The following MYO1B variants were observed in gnomAD, a reference collection of about 807,000 sequenced individuals.
MYO1B encodes the protein unconventional myosin-Ib.
A neutral mutation model predicts 159.7 loss-of-function variants in MYO1B; 72 were observed. That is an observed-to-expected ratio of 0.45 (90% CI 0.37 to 0.55). MYO1B has a LOEUF of 0.55. MYO1B is among the 20% of genes least tolerant of loss of function. MYO1B has a pLI of 0.00. For missense variants in MYO1B, 1,062 were observed against 1,364.8 expected, an observed-to-expected ratio of 0.78 and a Z score of 3.50; for synonymous variants, 468 against 473.8, an observed-to-expected ratio of 0.99 and a Z score of 0.16.
At position 191,363,858 on chromosome 2, in the gene MYO1B, A is replaced by G. The variant is rs747991638; in HGVS notation, c.896A>G (p.Lys299Arg). The G allele has an allele frequency of 1.9e-6, 3 of 1,613,830 alleles. No individual in the cohort carries two copies. Among genetic ancestry groups the G allele is most frequent in the Non-Finnish European group, 1.7e-6 (2 of 1,179,918 alleles). ...ESRVNGLDES[K>R]IKDKNELKEI... The stretch of plus-strand genomic sequence containing the variant: ...CGAGTGAATGGTCTAGATGAAAGCA[A>G]AATCAAAGATAAAAATGGTACATCC... Residue 299 changes from lysine (K) to arginine (R), a missense_variant, in exon 10 of 31, where the codon AAA becomes AGA. By Grantham distance (26) the Lys-to-Arg change is conservative. Coordinates refer to ENST00000392318, the MANE Select transcript of MYO1B (RefSeq NM_001130158.3).
At chr2:191,418,188 G>T (rs1464613596) in intron 30 of MYO1B, among the ~76,000 whole-genome samples, 1 of 152,178 alleles carries the variant, frequency 6.6e-6, no homozygotes, top group Non-Finnish European at 1.5e-5. Context: ...TGCAGAGGAA[G>T]TTTGTAGGTA....
chr2:191,286,019 A>G (rs778593495), intron 2 of MYO1B, among the ~76,000 whole-genome samples: 8 of 152,202 alleles, frequency 5.3e-5, no homozygotes, highest in Non-Finnish European at 1.2e-4. Context: ...GAGCTTTGGG[A>G]TGAAACTCTG....
intron 2 of MYO1B, among the ~76,000 whole-genome samples, chr2:191,285,379 A>G (rs1011203876): frequency 6.6e-5 from 10 of 152,182 alleles, no homozygotes; most frequent in Admixed American, 5.2e-4. Context: ...GTATAATATG[A>G]TGGTAGTGTA....
intron 2 of MYO1B, among the ~76,000 whole-genome samples, chr2:191,288,335 A>C (rs568922803): frequency 1.3e-5 from 2 of 151,672 alleles, no homozygotes; most frequent in East Asian, 1.9e-4. Flanking sequence ...TTTGGGGGGA[A>C]CTTTGTCCAA....
chr2:191,388,831 T>A (rs996801250), intron 17 of MYO1B, among the ~76,000 whole-genome samples: 22 of 152,280 alleles, frequency 1.4e-4, no homozygotes, highest in African/African-American at 5.3e-4. Flanking sequence ...ACCACCCAGG[T>A]TAAGACGTAA....
In MYO1B at chr2:191,360,748, G is replaced by GTGGTGTTGT; in HGVS notation, c.661+22_661+30dup. 1 of 1,122,350 alleles carries GTGGTGTTGT rather than the reference G, an allele frequency of 8.9e-7. No homozygotes were observed. Among genetic ancestry groups the GTGGTGTTGT allele is most frequent in the Non-Finnish European group, 1.2e-6 (1 of 801,274 alleles). The allele number at this position is 1,122,350 out of a possible 1,614,324, so 69.5% of individuals were successfully genotyped here. On this transcript the variant is annotated intron_variant, in intron 8 of 30. Transcript: ENST00000392318. ...CTCCTCAGTAAGTCTCTGTTTCTATGTGGTGTTGTTGTTGTTGTTGTTGTT... is the reference window on the plus strand; with the variant it reads ...CTCCTCAGTAAGTCTCTGTTTCTATGTGGTGTTGTTGGTGTTGTTGTTGTTGTTGTTGTT...
intron 3 of MYO1B, among the ~76,000 whole-genome samples, chr2:191,308,136 C>T (rs1046375679): frequency 2.0e-5 from 3 of 152,148 alleles, no homozygotes. Flanking sequence ...GGGGCCCCAC[C>T]TGAGTCCCCT....
intron 1 of MYO1B, among the ~76,000 whole-genome samples, chr2:191,246,657 C>T (rs1685812030): frequency 6.6e-6 from 1 of 150,988 alleles, no homozygotes; most frequent in South Asian, 2.1e-4. Context: ...TGGATATTGG[C>T]TGGAATGGGT....
intron 1 of MYO1B, among the ~76,000 whole-genome samples, chr2:191,253,725 T>C (rs1423291815): frequency 6.6e-6 from 1 of 152,192 alleles, no homozygotes; most frequent in Non-Finnish European, 1.5e-5. Flanking sequence ...CTCCTCTGTT[T>C]CCCCCCACAG....
In MYO1B at chr2:191,411,171, A is replaced by G; in HGVS notation, c.2872A>G (p.Ser958Gly). The change falls in exon 27 of 31, where the codon AGT becomes GGT. Residue 958 changes from serine to glycine, a missense_variant and splice_region_variant. By Grantham distance (56) the Ser-to-Gly change is moderately conservative (BLOSUM62 0). This residue lies in a region of MYO1B where 609 missense variants were observed against 744.4 expected (regional missense o/e 0.82). Coordinates refer to ENST00000392318, the MANE Select transcript of MYO1B (RefSeq NM_001130158.3). ...AGACAAGAAGGCTTTATACCCATCTAGGTATTATGGCTTTGCTTTACCCAT... is the reference window on the plus strand; with the variant it reads ...AGACAAGAAGGCTTTATACCCATCTGGGTATTATGGCTTTGCTTTACCCAT... ...FKDKKALYPSSVGQPFQGAYL... is the reference protein window; with the variant it reads ...FKDKKALYPSGVGQPFQGAYL... 6.4e-7 allele frequency: 1 copy of G among 1,561,642 alleles called. No homozygotes were observed. The highest frequency in any genetic ancestry group is 8.7e-7 in the Non-Finnish European group (1 of 1,146,914).
intron 2 of MYO1B, among the ~76,000 whole-genome samples, chr2:191,291,948 T>C (rs1688712043): frequency 6.6e-6 from 1 of 152,184 alleles, no homozygotes; most frequent in African/African-American, 2.4e-5. Flanking sequence ...TTTCTGTGTC[T>C]CAGAGGAAGC....
chr2:191,345,934 C>T (rs895913889), intron 5 of MYO1B, among the ~76,000 whole-genome samples: 6 of 152,266 alleles, frequency 3.9e-5, no homozygotes, highest in African/African-American at 1.4e-4. Flanking sequence ...ACTCAATTGA[C>T]TACTCTCTAG....
chr2:191,392,086 G>GT, intron 18 of MYO1B, 22 bp from the exon 19 acceptor site: 1 of 1,566,388 alleles, frequency 6.4e-7, no homozygotes, highest in Non-Finnish European at 8.7e-7. Flanking sequence ...AAAACTCACT[G>GT]TTTTTATTTT....
intron 30 of MYO1B, among the ~76,000 whole-genome samples, chr2:191,421,261 G>C (rs1697920956): frequency 6.6e-6 from 1 of 151,762 alleles, no homozygotes; most frequent in African/African-American, 2.4e-5. Flanking sequence ...GTAAAGACGA[G>C]GTTTCACCGT....
chr2:191,332,023 C>T (rs7568530), intron 4 of MYO1B, among the ~76,000 whole-genome samples: 14,582 of 152,234 alleles, frequency 0.096, 2,271 homozygotes, highest in African/African-American at 0.33. Flanking sequence ...AGTGCAATGG[C>T]GCGATCTTGG....
rs568848423 is a variant in MYO1B, at chr2:191,399,067, C to T, written c.2296-1315C>T. ...TCACTCGCGGTTAGGAGCTGGAGAC[C>T]AGCCCGGCCAACACAGCAAAACCCC... On this transcript the variant is annotated intron_variant, in intron 21 of 30. Coordinates refer to ENST00000392318, the MANE Select transcript of MYO1B (RefSeq NM_001130158.3). Among the ~76,000 whole-genome samples the T allele has an allele frequency of 8.5e-5, 13 of 152,294 alleles. No homozygotes were observed. In the South Asian group the frequency reaches 2.3e-3, roughly 27 times the overall value.
At chr2:191,412,831 ATTAG>A (rs1697329517) in intron 27 of MYO1B, among the ~76,000 whole-genome samples, 2 of 94,466 alleles carry the variant, frequency 2.1e-5, no homozygotes, top group African/African-American at 2.7e-5. Flanking sequence ...TTTTACAAAA[ATTAG>A]TTTGTTTGGG....
chr2:191,301,617 T>G (rs1384937646), intron 3 of MYO1B, among the ~76,000 whole-genome samples: 1 of 152,234 alleles, frequency 6.6e-6, no homozygotes, highest in African/African-American at 2.4e-5. Flanking sequence ...ATGTTTAGAC[T>G]TGGGTCCTAT....
chr2:191,318,672 A>G (rs1171916621), intron 3 of MYO1B, among the ~76,000 whole-genome samples: 1 of 152,198 alleles, frequency 6.6e-6, no homozygotes, highest in African/African-American at 2.4e-5. Context: ...TGCTTCTCTC[A>G]AAAAATATAT....
Sources: allele counts gnomAD v4.1 joint callset (sites outside exome capture counted in the v4.1 genomes callset), GRCh38; gene constraint gnomAD v4.1.1; regional missense constraint gnomAD v4.1.1; transcripts MANE v1.5; gene names NCBI Gene and HGNC (gene_info 2026-07-23, HGNC 2026-07-21).